FOXP2: variants seen among roughly 807,000 people sequenced by gnomAD.
FOXP2 encodes forkhead box protein P2.
A neutral mutation model predicts 115.8 loss-of-function variants in FOXP2; 12 were observed. The observed-to-expected ratio is 0.10, with a 90% CI of 0.07 to 0.17. The LOEUF (loss-of-function observed/expected upper bound fraction) is 0.17. FOXP2 is among the 10% of genes least tolerant of loss of function. The pLI is 1.00. For missense variants in FOXP2, 629 were observed against 843.5 expected, an observed-to-expected ratio of 0.75 and a Z score of 3.15; for synonymous variants, 328 against 297.7, an observed-to-expected ratio of 1.10 and a Z score of -1.05.
At chr7:114,380,093 C>T (rs993141173) in intron 2 of FOXP2, among the ~76,000 whole-genome samples, 6 of 152,102 alleles carry the variant, frequency 3.9e-5, no homozygotes, top group African/African-American at 7.2e-5. Context: ...CTTCAATACC[C>T]GCTTGGCGGT....
chr7:114,368,820 T>C (rs1176425869), intron 2 of FOXP2, among the ~76,000 whole-genome samples: 1 of 152,236 alleles, frequency 6.6e-6, no homozygotes, highest in Non-Finnish European at 1.5e-5. Flanking sequence ...TTTTTACCTA[T>C]AGCTTTGACA....
At chr7:114,332,723 C>T (rs573919806) in intron 2 of FOXP2, among the ~76,000 whole-genome samples, 1 of 152,064 alleles carries the variant, frequency 6.6e-6, no homozygotes, top group South Asian at 2.1e-4. Context: ...AATTTGTTGC[C>T]CCCATTCATT....
intron 2 of FOXP2, among the ~76,000 whole-genome samples, chr7:114,339,150 C>G (rs920798258): frequency 6.6e-6 from 1 of 150,998 alleles, no homozygotes; most frequent in Non-Finnish European, 1.5e-5. Context: ...GGTCTGCAAC[C>G]TTTTCTGTAT....
intron 1 of FOXP2, among the ~76,000 whole-genome samples, chr7:114,273,889 T>C (rs1041198435): frequency 2.0e-5 from 3 of 152,094 alleles, no homozygotes; most frequent in Non-Finnish European, 4.4e-5. Context: ...TTTGGTCCAG[T>C]TTAACAATCT....
intron 3 of FOXP2, among the ~76,000 whole-genome samples, chr7:114,586,770 A>G (rs1802156037): frequency 6.6e-6 from 1 of 152,094 alleles, no homozygotes; most frequent in Non-Finnish European, 1.5e-5. Context: ...CAAAACAGTC[A>G]TTTGAAATAT....
chr7:114,651,288 T>G (rs1806237721), intron 8 of FOXP2, among the ~76,000 whole-genome samples: 1 of 152,094 alleles, frequency 6.6e-6, no homozygotes, highest in Admixed American at 6.6e-5. Context: ...ATTGTTGCCT[T>G]ACTTTGCCCA....
At chr7:114,254,217 G>C (rs969527171) in intron 1 of FOXP2, among the ~76,000 whole-genome samples, 1 of 152,138 alleles carries the variant, frequency 6.6e-6, no homozygotes, top group Non-Finnish European at 1.5e-5. Flanking sequence ...CTCTCTGGCT[G>C]CCCTTAACAT....
At chr7:114,131,859 A>G (rs1441623044) in intron 1 of FOXP2, among the ~76,000 whole-genome samples, 1 of 152,162 alleles carries the variant, frequency 6.6e-6, no homozygotes, top group Non-Finnish European at 1.5e-5. Context: ...AACTATCTCC[A>G]TGGTCATATG....
intron 1 of FOXP2, among the ~76,000 whole-genome samples, chr7:114,223,792 A>G (rs1451223890): frequency 1.3e-5 from 2 of 151,408 alleles, no homozygotes; most frequent in African/African-American, 4.8e-5. Flanking sequence ...TACTTTCTTT[A>G]GGTGAATTTT....
intron 2 of FOXP2, among the ~76,000 whole-genome samples, chr7:114,289,407 G>A (rs1916988): frequency 0.57 from 85,880 of 151,668 alleles, 26,887 homozygotes; most frequent in Admixed American, 0.74. Flanking sequence ...TAGAACACAT[G>A]TCTGCTAACA....
At chr7:114,478,295 A>G (rs909420709) in intron 2 of FOXP2, among the ~76,000 whole-genome samples, 1 of 151,854 alleles carries the variant, frequency 6.6e-6, no homozygotes, top group Non-Finnish European at 1.5e-5. Flanking sequence ...TTTAGGGCCA[A>G]GCAAATCAAA....
intron 2 of FOXP2, among the ~76,000 whole-genome samples, chr7:114,447,812 T>G (rs957960780): frequency 6.6e-6 from 1 of 152,210 alleles, no homozygotes; most frequent in African/African-American, 2.4e-5. Flanking sequence ...TCACATTCAT[T>G]TACTCTGGGA....
intron 2 of FOXP2, among the ~76,000 whole-genome samples, chr7:114,360,505 T>C (rs553870784): frequency 6.6e-6 from 1 of 152,330 alleles, no homozygotes; most frequent in South Asian, 2.1e-4. Context: ...TTGTGGAGCC[T>C]TGTTGATATT....
At chr7:114,135,883 C>T (rs950223313) in intron 1 of FOXP2, among the ~76,000 whole-genome samples, 33 of 152,028 alleles carry the variant, frequency 2.2e-4, no homozygotes, top group Admixed American at 7.9e-4. Flanking sequence ...GGAGATAATT[C>T]TGATAATTAG....
intron 2 of FOXP2, among the ~76,000 whole-genome samples, chr7:114,475,355 G>C (rs544849030): frequency 6.6e-6 from 1 of 152,144 alleles, no homozygotes; most frequent in South Asian, 2.1e-4. Flanking sequence ...TCTTTGAACA[G>C]TTTTTGACTT....
chr7:114,457,732 AC>A (rs1205511463), intron 2 of FOXP2, among the ~76,000 whole-genome samples: 1 of 152,114 alleles, frequency 6.6e-6, no homozygotes, highest in Non-Finnish European at 1.5e-5. Context: ...CCCCGTCTCT[AC>A]TAAAAATACA....
chr7:114,447,036 C>T (rs1794866198), intron 2 of FOXP2, among the ~76,000 whole-genome samples: 1 of 152,092 alleles, frequency 6.6e-6, no homozygotes, highest in Non-Finnish European at 1.5e-5. Context: ...AAGCATGAGC[C>T]ATGGCACCTG....
At position 114,653,998 on chromosome 7, in the gene FOXP2, T is replaced by C. The variant is rs775743904; in HGVS notation, c.1255T>C (p.Ser419Pro). Residue 419 changes from serine to proline, a missense_variant, in exon 10 of 17, where the codon TCT becomes CCT. Ser to Pro is a moderately conservative substitution (Grantham distance 74). This residue lies in a region of FOXP2 where 101 missense variants were observed against 116.0 expected (regional missense o/e 0.87). Transcript: ENST00000350908. ...CATGCGACCCTCAGAGCCCAAACCA[T>C]CTCCCAAACCTGTAAGTGCATATTG... The part of the protein sequence containing the change: ...LHMRPSEPKP[S>P]PKPLNLVSSV... The C allele has an allele frequency of 2.5e-6, 4 of 1,613,198 alleles. No individual in the cohort carries two copies.
At chr7:114,218,107 GT>G (rs1794529780) in intron 1 of FOXP2, among the ~76,000 whole-genome samples, 1 of 152,138 alleles carries the variant, frequency 6.6e-6, no homozygotes, top group Non-Finnish European at 1.5e-5. Context: ...TGAGGACTCT[GT>G]CCCCCATACC....
Sources: gnomAD v4.1 joint callset for allele counts (sites outside exome capture counted in the v4.1 genomes callset) on GRCh38, gnomAD v4.1.1 for gene constraint, gnomAD v4.1.1 regional missense constraint, MANE v1.5 for transcripts, NCBI Gene and HGNC (gene_info 2026-07-23, HGNC 2026-07-21) for gene names.